The following NRROS variants were observed in gnomAD, a reference collection of about 807,000 sequenced individuals.
The protein encoded by NRROS is negative regulator of reactive oxygen species.
In NRROS, 6 loss-of-function variants were observed where a neutral mutation model predicts 12.0. The observed-to-expected ratio is 0.50, with a 90% CI of 0.27 to 0.98. The LOEUF (loss-of-function observed/expected upper bound fraction) is 0.98. Among genes scored for constraint, NRROS ranks in the 50% least tolerant of loss-of-function variants. NRROS has a pLI of 0.11. For missense variants in NRROS, 857 were observed against 888.2 expected, an observed-to-expected ratio of 0.96 and a Z score of 0.45; for synonymous variants, 462 against 410.2, an observed-to-expected ratio of 1.13 and a Z score of -1.53.
At position 196,661,065 on chromosome 3, in the gene NRROS, G is replaced by A. The variant is rs1353820665; in HGVS notation, c.1422G>A (p.Leu474=). ...LRSLSLEGCG[L]GALPDCPFQG... is the part of the protein sequence containing the mutation. ...GCCTGTCTCTGGAGGGCTGTGGCCTGGGGGCATTGCCAGACTGCCCATTCC... is the reference window on the plus strand; with the variant it reads ...GCCTGTCTCTGGAGGGCTGTGGCCTAGGGGCATTGCCAGACTGCCCATTCC... The change falls in exon 3 of 3, where the codon CTG becomes CTA. Residue 474 remains leucine, a synonymous_variant. Coordinates refer to ENST00000328557, the MANE Select transcript of NRROS (RefSeq NM_198565.3). 1 of 1,614,104 alleles carries A rather than the reference G, an allele frequency of 6.2e-7. No homozygotes were observed. Among genetic ancestry groups the A allele is most frequent in the Admixed American group, 1.7e-5 (1 of 60,016 alleles).
intron 1 of NRROS, among the ~76,000 whole-genome samples, chr3:196,648,070 A>G (rs757515977): frequency 6.6e-6 from 1 of 152,218 alleles, no homozygotes; most frequent in Non-Finnish European, 1.5e-5. Context: ...TGAAAAAGGT[A>G]TGTTAATGAT....
intron 1 of NRROS, among the ~76,000 whole-genome samples, chr3:196,643,655 G>A (rs1052271298): frequency 6.6e-6 from 1 of 152,254 alleles, no homozygotes; most frequent in Non-Finnish European, 1.5e-5. Flanking sequence ...CACAGTGCCT[G>A]GCAGGGGCCC....
intron 2 of NRROS, among the ~76,000 whole-genome samples, chr3:196,655,321 G>C (rs192823552): frequency 3.2e-4 from 48 of 151,788 alleles, no homozygotes; most frequent in Non-Finnish European, 6.0e-4. Flanking sequence ...GATCACCTGA[G>C]GTCAGGAGTT....
intron 2 of NRROS, among the ~76,000 whole-genome samples, chr3:196,658,906 A>G (rs113397764): frequency 0.035 from 5,339 of 152,242 alleles, 102 homozygotes; most frequent in African/African-American, 0.05. Context: ...GGAGGCAGAG[A>G]TTGCAGTGAG....
chr3:196,649,433 TC>T (rs547422086), intron 1 of NRROS, among the ~76,000 whole-genome samples: 1 of 152,312 alleles, frequency 6.6e-6, no homozygotes, highest in African/African-American at 2.4e-5. Flanking sequence ...GCACTCTGCC[TC>T]TGGAGAGCCC....
intron 1 of NRROS, among the ~76,000 whole-genome samples, chr3:196,652,922 C>T (rs544380571): frequency 6.6e-6 from 1 of 152,284 alleles, no homozygotes; most frequent in South Asian, 2.1e-4. Flanking sequence ...ATTCAGGATG[C>T]CCAGTGAAGT....
intron 2 of NRROS, among the ~76,000 whole-genome samples, chr3:196,658,062 G>T (rs773365747): frequency 6.6e-6 from 1 of 152,196 alleles, no homozygotes; most frequent in Non-Finnish European, 1.5e-5. Context: ...TCACCCATTT[G>T]ATCAAAAGCA....
intron 1 of NRROS, among the ~76,000 whole-genome samples, chr3:196,648,766 C>CAAAAAAAAAA: frequency 1.3e-5 from 1 of 74,808 alleles, no homozygotes; most frequent in Non-Finnish European, 2.4e-5. Flanking sequence ...AACTCCATCT[C>CAAAAAAAAAA]AAAAAAAAAA....
At chr3:196,642,388 G>C (rs111239563) in intron 1 of NRROS, among the ~76,000 whole-genome samples, 8 of 152,230 alleles carry the variant, frequency 5.3e-5, no homozygotes, top group African/African-American at 1.9e-4. Context: ...GGCATTGCCA[G>C]GAATCCATCT....
Position 196,660,129 on chromosome 3 carries a change from G to T in NRROS, c.486G>T (p.Val162=), listed in dbSNP as rs1442666198. ...MLQNLSSLRS[V]SLAGNTIMRL... ...AGAACCTCTCCTCGCTGCGGTCCGT[G>T]TCCCTGGCGGGGAACACCATCATGC... The change falls in exon 3 of 3, where the codon GTG becomes GTT. Residue 162 remains valine (V), a synonymous_variant. Coordinates refer to ENST00000328557, the MANE Select transcript of NRROS (RefSeq NM_198565.3). The surrounding 1 kb of genome is among the most constrained non-coding windows in gnomAD (Gnocchi z 7.7). The T allele has an allele frequency of 2.5e-6, 4 of 1,612,964 alleles. No individual in the cohort carries two copies. In the East Asian group the frequency reaches 8.9e-5, roughly 36 times the overall value.
intron 2 of NRROS, among the ~76,000 whole-genome samples, chr3:196,658,158 A>G (rs1248598910): frequency 2.0e-5 from 3 of 152,236 alleles, no homozygotes; most frequent in African/African-American, 7.2e-5. Context: ...TAAAAAGATT[A>G]TGATCACATT....
intron 1 of NRROS, among the ~76,000 whole-genome samples, chr3:196,640,990 T>C (rs745330629): frequency 4.6e-5 from 7 of 152,216 alleles, no homozygotes; most frequent in Admixed American, 3.3e-4. Context: ...GTTCTGTGGA[T>C]GCTGAGGGTT....
At chr3:196,642,823 G>A (rs1737234699) in intron 1 of NRROS, among the ~76,000 whole-genome samples, 1 of 152,170 alleles carries the variant, frequency 6.6e-6, no homozygotes, top group South Asian at 2.1e-4. Context: ...TGTAATCCCA[G>A]CACTTTGGGA....
chr3:196,645,418 C>T (rs1216964531), intron 1 of NRROS, among the ~76,000 whole-genome samples: 1 of 152,142 alleles, frequency 6.6e-6, no homozygotes, highest in Non-Finnish European at 1.5e-5. Context: ...TCTAGCTGTA[C>T]AGCCTAAACC....
Position 196,660,957 on chromosome 3 carries a change from C to A in NRROS, c.1314C>A (p.Ile438=). The change falls in exon 3 of 3, where the codon ATC becomes ATA. Residue 438 remains isoleucine, a synonymous_variant. Coordinates refer to ENST00000328557, the MANE Select transcript of NRROS (RefSeq NM_198565.3). The surrounding 1 kb of genome is among the most constrained non-coding windows in gnomAD (Gnocchi z 7.7). ...ITTLDMSHNQ[I]SLCPLPAASD... is the part of the protein sequence containing the mutation. ...CACTTGACATGAGCCACAATCAGAT[C>A]TCACTTTGTCCCCTGCCAGCTGCCT... 6.2e-7 allele frequency: 1 copy of A among 1,614,210 alleles called. No homozygotes were observed. The highest frequency in any genetic ancestry group is 1.1e-5 in the South Asian group (1 of 91,078).
chr3:196,658,843 G>GCA (rs1560055693), intron 2 of NRROS, among the ~76,000 whole-genome samples: 10 of 152,238 alleles, frequency 6.6e-5, no homozygotes, highest in Non-Finnish European at 8.8e-5. Context: ...GGTGGCATGT[G>GCA]CCTGTAATCC....
intron 1 of NRROS, among the ~76,000 whole-genome samples, chr3:196,641,438 C>T (rs998482518): frequency 6.6e-6 from 1 of 152,116 alleles, no homozygotes; most frequent in South Asian, 2.1e-4. Flanking sequence ...TGGTCTCAAA[C>T]TCCTGGGCTC....
Position 196,659,766 on chromosome 3 carries a change from T to C in NRROS, c.123T>C (p.Ala41=), listed in dbSNP as rs753212688. 1 of 1,609,448 alleles carries C rather than the reference T, an allele frequency of 6.2e-7. No homozygotes were observed. The highest frequency in any genetic ancestry group is 8.5e-7 in the Non-Finnish European group (1 of 1,177,194). ...TTTGGCCGCAGGTGGGTGGAGCCGCTGACTGCCGAGGGCAGAGCCTCGCTT... is the reference window on the plus strand; with the variant it reads ...TTTGGCCGCAGGTGGGTGGAGCCGCCGACTGCCGAGGGCAGAGCCTCGCTT... ...QGVCKLVGGA[A]DCRGQSLASV... is the part of the protein sequence containing the mutation. Residue 41 remains alanine (A), a synonymous_variant, in exon 3 of 3, where the codon GCT becomes GCC. Coordinates refer to ENST00000328557, the MANE Select transcript of NRROS (RefSeq NM_198565.3).
Position 196,660,234 on chromosome 3 carries a change from G to T in NRROS, c.591G>T (p.Glu197Asp), listed in dbSNP as rs1452246399. 1 of 1,613,730 alleles carries T rather than the reference G, an allele frequency of 6.2e-7. No individual in the cohort carries two copies. Among genetic ancestry groups the T allele is most frequent in the Non-Finnish European group, 8.5e-7 (1 of 1,180,046 alleles). ...DLQRNYIFEI[E>D]GGAFDGLAEL... Reference sequence around the variant, plus strand: ...AGAGGAACTACATCTTCGAGATCGAGGGCGGCGCTTTCGACGGCCTGGCTG... The same window carrying T: ...AGAGGAACTACATCTTCGAGATCGATGGCGGCGCTTTCGACGGCCTGGCTG... The change falls in exon 3 of 3, where the codon GAG becomes GAT. Residue 197 changes from glutamate to aspartate, a missense_variant. Transcript: ENST00000328557. This position sits in a 1 kb window ranked among gnomAD's most constrained non-coding sequence, Gnocchi z 7.7.
Sources: allele counts gnomAD v4.1 joint callset (sites outside exome capture counted in the v4.1 genomes callset), GRCh38; gene constraint gnomAD v4.1.1; non-coding constraint Gnocchi (gnomAD v3.1); transcripts MANE v1.5; gene names NCBI Gene and HGNC (gene_info 2026-07-23, HGNC 2026-07-21).